The following SNX19 variants were observed in gnomAD, a reference collection of about 807,000 sequenced individuals.
The protein encoded by SNX19 is sorting nexin-19.
SNX19 carries 60 observed loss-of-function variants against 85.2 expected under a neutral mutation model. That is an observed-to-expected ratio of 0.70 (90% CI 0.57 to 0.87). SNX19 has a LOEUF of 0.87. Among genes scored for constraint, SNX19 ranks in the 40% least tolerant of loss-of-function variants. The pLI is 0.00. For missense variants in SNX19, 1,201 were observed against 1,217.8 expected (o/e 0.99, Z 0.21); for synonymous variants, 520 against 470.0 (o/e 1.11, Z -1.38).
At chr11:130,912,893 CAG>C (rs753459433) in intron 1 of SNX19, among the ~76,000 whole-genome samples, 2 of 152,158 alleles carry the variant, frequency 1.3e-5, no homozygotes, top group African/African-American at 4.8e-5. Context: ...TATTTACTAT[CAG>C]AAAGTATAAT....
At chr11:130,898,147 ACT>A (rs1414932724) in intron 8 of SNX19, among the ~76,000 whole-genome samples, 1 of 117,520 alleles carries the variant, frequency 8.5e-6, no homozygotes, top group Non-Finnish European at 1.8e-5. Context: ...GGTCGAACTT[ACT>A]CTGTTTTTTT....
Position 130,880,770 on chromosome 11 carries a change from T to A in SNX19, c.2610A>T (p.Pro870=). The A allele has an allele frequency of 6.3e-7, 1 of 1,580,394 alleles. No individual in the cohort carries two copies. The highest frequency in any genetic ancestry group is 8.7e-7 in the Non-Finnish European group (1 of 1,154,992). ...LEVQVANLTS[P]QRWVQYLLLL... ...GCAGGAGGTACTGCACCCAGCGCTG[T>A]GGACTTGTTAAATTAGCTACCTGCA... The change falls in exon 9 of 11, where the codon CCA becomes CCT. Residue 870 remains proline, a synonymous_variant. Coordinates refer to ENST00000265909, the MANE Select transcript of SNX19 (RefSeq NM_014758.3).
rs2135258165 is a variant in SNX19, at chr11:130,875,075, C to T, written c.*3347G>A. On this transcript the variant is annotated 3_prime_UTR_variant, in exon 11 of 11. Transcript: ENST00000265909. ...AACAGTCACACTCCCATGTTCACTG[C>T]AGCATTGTTTTCAACAATCAAGGCG... 1.3e-5 allele frequency among the ~76,000 whole-genome samples: 2 copies of T among 152,354 alleles called. No homozygotes were observed. The highest frequency in any genetic ancestry group is 3.9e-4 in the East Asian group (2 of 5,188).
In SNX19 at chr11:130,913,494, A is replaced by T. The variant is rs549914626; in HGVS notation, c.1674+772T>A. Among the ~76,000 whole-genome samples, 7 of 152,330 alleles carry T rather than the reference A, an allele frequency of 4.6e-5. No homozygotes were observed. In the South Asian group the frequency reaches 1.2e-3, roughly 27 times the overall value. Reference sequence around the variant, plus strand: ...TGCAGCTGTGTTGAGCAGATCAAGGAAGGTCTTTTCCCTCTTAGTTGGATT... The same window carrying T: ...TGCAGCTGTGTTGAGCAGATCAAGGTAGGTCTTTTCCCTCTTAGTTGGATT... On this transcript the variant is annotated intron_variant, in intron 1 of 10. Transcript: ENST00000265909.
Position 130,868,800 on chromosome 11 carries a change from C to T in SNX19, c.*9622G>A, listed in dbSNP as rs1592257010. The T allele has an allele frequency of 2.0e-5, 3 of 152,276 alleles. No homozygotes were observed. The highest frequency in any genetic ancestry group is 2.0e-4 in the Admixed American group (3 of 15,280). The allele number at this position is 152,276 out of a possible 1,614,324, so 9.4% of individuals were successfully genotyped here. A position where few individuals can be genotyped will look rare whatever the true frequency, so the allele number is the denominator to read the frequency against. On this transcript the variant is annotated 3_prime_UTR_variant, in exon 11 of 11. Coordinates refer to ENST00000265909, the MANE Select transcript of SNX19 (RefSeq NM_014758.3). ...CATTCTTGCTGTCATCTGGTTTAGTCAAGGGGGTTGTGAGGCGTGTGGGCT... is the reference window on the plus strand; with the variant it reads ...CATTCTTGCTGTCATCTGGTTTAGTTAAGGGGGTTGTGAGGCGTGTGGGCT...
chr11:130,895,482 T>C (rs954783726), intron 8 of SNX19, among the ~76,000 whole-genome samples: 23 of 152,282 alleles, frequency 1.5e-4, no homozygotes, highest in African/African-American at 5.5e-4. Context: ...GATATAATGG[T>C]AAATAAGACG....
chr11:130,882,951 C>A (rs1045977109), intron 8 of SNX19, among the ~76,000 whole-genome samples: 1 of 152,194 alleles, frequency 6.6e-6, no homozygotes, highest in Non-Finnish European at 1.5e-5. Context: ...GCCAGCAAGC[C>A]TAGGTACCTC....
chr11:130,912,317 A>C (rs907120170), intron 1 of SNX19, among the ~76,000 whole-genome samples: 3 of 152,236 alleles, frequency 2.0e-5, no homozygotes, highest in African/African-American at 7.2e-5. Context: ...ATTTTTCCTA[A>C]GTACGTATCA....
intron 7 of SNX19, among the ~76,000 whole-genome samples, chr11:130,904,012 T>C (rs1353809728): frequency 6.6e-6 from 1 of 152,218 alleles, no homozygotes; most frequent in African/African-American, 2.4e-5. Context: ...TTCAGTCTGA[T>C]TTTGAGATAA....
rs1339161699 is a variant in SNX19, at chr11:130,869,689, TG to T, written c.*8732del. 6.6e-6 allele frequency: 1 copy of T among 152,216 alleles called. No individual in the cohort carries two copies. Among genetic ancestry groups the T allele is most frequent in the Non-Finnish European group, 1.5e-5 (1 of 68,036 alleles). The allele number at this position is 152,216 out of a possible 1,614,324, so 9.4% of individuals were successfully genotyped here. A position where few individuals can be genotyped will look rare whatever the true frequency, so the allele number is the denominator to read the frequency against. On this transcript the variant is annotated 3_prime_UTR_variant, in exon 11 of 11. Coordinates refer to ENST00000265909, the MANE Select transcript of SNX19 (RefSeq NM_014758.3). ...GCAACATATAAAGAATTGGTCAAAA[TG>T]TTTATTCTTAGGGTCGGTAGTTATT...
At chr11:130,908,690 T>C (rs1945857711) in intron 4 of SNX19, among the ~76,000 whole-genome samples, 1 of 150,874 alleles carries the variant, frequency 6.6e-6, no homozygotes, top group Non-Finnish European at 1.5e-5. Context: ...AGTTGAGTTG[T>C]TATAACTTAT....
At chr11:130,895,870 C>G (rs995052062) in intron 8 of SNX19, among the ~76,000 whole-genome samples, 1 of 152,090 alleles carries the variant, frequency 6.6e-6, no homozygotes, top group South Asian at 2.1e-4. Flanking sequence ...ATAAGTGATA[C>G]CCAAGAAATA....
rs1160101385 is a variant in SNX19 at position 130,905,836 on chromosome 11, A to T, written c.2443+117T>A. 2.6e-6 allele frequency: 4 copies of T among 1,567,992 alleles called. No homozygotes were observed. In the South Asian group the frequency reaches 4.6e-5, roughly 18 times the overall value. ...CACCTCCAACACTGGAGTTCAACAC[A>T]TGGCATGCTCAGCTGAATGGAACAG... On this transcript the variant is annotated intron_variant, in intron 7 of 10. Coordinates refer to ENST00000265909, the MANE Select transcript of SNX19 (RefSeq NM_014758.3).
intron 4 of SNX19, among the ~76,000 whole-genome samples, chr11:130,908,792 A>G (rs930290349): frequency 6.6e-6 from 1 of 152,272 alleles, no homozygotes; most frequent in African/African-American, 2.4e-5. Context: ...TTTGCTAAAA[A>G]GGACAATGTA....
chr11:130,903,404 C>T lies in SNX19; in HGVS notation c.2444-20G>A, dbSNP rs1592343862. On this transcript the variant is annotated intron_variant, in intron 7 of 10. Coordinates refer to ENST00000265909, the MANE Select transcript of SNX19 (RefSeq NM_014758.3). ...CTGTTCCTGAGGGATAAAATGGCAT[C>T]AGGAGTAACTCAGAAGAGACCCATA... The T allele has an allele frequency of 1.2e-6, 2 of 1,611,292 alleles. No individual in the cohort carries two copies. Among genetic ancestry groups the T allele is most frequent in the Non-Finnish European group, 1.7e-6 (2 of 1,179,490 alleles).
intron 1 of SNX19, among the ~76,000 whole-genome samples, chr11:130,913,616 T>C (rs144744494): frequency 2.0e-5 from 3 of 152,282 alleles, no homozygotes; most frequent in East Asian, 1.9e-4. Context: ...TAAAATCCAA[T>C]GGGTAGGATC....
Position 130,914,702 on chromosome 11 carries a change from G to C in SNX19, c.1238C>G (p.Pro413Arg), listed in dbSNP as rs762379633. 1 of 1,613,786 alleles carries C rather than the reference G, an allele frequency of 6.2e-7. No homozygotes were observed. Among genetic ancestry groups the C allele is most frequent in the African/African-American group, 1.3e-5 (1 of 74,854 alleles). Residue 413 changes from proline to arginine, a missense_variant, in exon 1 of 11, where the codon CCC becomes CGC. This residue lies in a region of SNX19 where 791 missense variants were observed against 750.9 expected (regional missense o/e 1.05). Transcript: ENST00000265909. ...CALESSQALE[P>R]KDGEASEGAE... Reference sequence around the variant, plus strand: ...TCCTTCAGATGCCTCACCATCTTTGGGTTCCAGAGCCTGGGAACTCTCTAG... The same window carrying C: ...TCCTTCAGATGCCTCACCATCTTTGCGTTCCAGAGCCTGGGAACTCTCTAG...
chr11:130,913,918 AG>A (rs1397282311), intron 1 of SNX19, among the ~76,000 whole-genome samples: 1 of 57,992 alleles, frequency 1.7e-5, no homozygotes, highest in African/African-American at 1.2e-4. Context: ...TACAGAATCC[AG>A]GGACCCCCTC....
chr11:130,899,051 T>C (rs986981976), intron 8 of SNX19, among the ~76,000 whole-genome samples: 1 of 152,216 alleles, frequency 6.6e-6, no homozygotes, highest in Non-Finnish European at 1.5e-5. Context: ...AAACCTTAGT[T>C]TCCTTGTCTT....
Sources: gnomAD v4.1 joint callset for allele counts (sites outside exome capture counted in the v4.1 genomes callset) on GRCh38, gnomAD v4.1.1 for gene constraint, gnomAD v4.1.1 regional missense constraint, MANE v1.5 for transcripts, NCBI Gene and HGNC (gene_info 2026-07-23, HGNC 2026-07-21) for gene names.